Variants in MYCBP2 observed in about 807,000 individuals in gnomAD.
The protein encoded by MYCBP2 is MYC binding protein 2.
In MYCBP2, 120 loss-of-function variants were observed where a neutral mutation model predicts 525.3. The ratio of observed to expected loss-of-function variants is 0.23; its 90% confidence interval spans 0.20 to 0.27. MYCBP2 has a LOEUF of 0.27. Among genes scored for constraint, MYCBP2 ranks in the 10% least tolerant of loss-of-function variants. MYCBP2 has a pLI of 1.00. For missense variants in MYCBP2, 4,149 were observed against 5,657.1 expected (o/e 0.73, Z 8.55); for synonymous variants, 1,894 against 1,955.8 (o/e 0.97, Z 0.83).
chr13:77,167,019 AC>A (rs1341622645), intron 40 of MYCBP2, among the ~76,000 whole-genome samples: 1 of 106,670 alleles, frequency 9.4e-6, no homozygotes, highest in African/African-American at 3.7e-5. Context: ...ACACACACAC[AC>A]ACACACCAAA....
rs143010585 is a variant in MYCBP2, at chr13:77,271,178, A to T, written c.946-640T>A. 1.5e-3 allele frequency among the ~76,000 whole-genome samples: 227 copies of T among 152,286 alleles called. 1 individual carries two copies. The highest frequency in any genetic ancestry group is 4.8e-3 in the African/African-American group (200 of 41,562). Reference sequence around the variant, plus strand: ...CTATATCAAATAATTTCAATATCTAAGGACTTGGCAGGATTGATTCTACCA... The same window carrying T: ...CTATATCAAATAATTTCAATATCTATGGACTTGGCAGGATTGATTCTACCA... On this transcript the variant is annotated intron_variant, in intron 5 of 82. Transcript: ENST00000544440.
rs748831390 is a variant in MYCBP2 at position 77,045,465 on chromosome 13, A to C, written c.13950T>G (p.Thr4650=). 7 of 1,614,004 alleles carry C rather than the reference A, an allele frequency of 4.3e-6. No individual in the cohort carries two copies. In the African/African-American group the frequency reaches 9.3e-5, roughly 22 times the overall value. The change falls in exon 83 of 83, where the codon ACT becomes ACG. Residue 4650 remains threonine (T), a synonymous_variant. Transcript: ENST00000544440. The part of the protein sequence containing the change: ...AGPKGKQLEG[T]ECPLHVVHPP... ...GATGAACAACATGGAGTGGACATTCAGTTCCTTCTAACTGCTTGCCTTTGG... is the reference window on the plus strand; with the variant it reads ...GATGAACAACATGGAGTGGACATTCCGTTCCTTCTAACTGCTTGCCTTTGG...
chr13:77,064,910 A>G lies in MYCBP2; in HGVS notation c.12553-176T>C, dbSNP rs561119022. Among the ~76,000 whole-genome samples the G allele has an allele frequency of 1.1e-4, 17 of 152,332 alleles. No homozygotes were observed. The East Asian group carries it at 3.3e-3, about 29-fold the overall frequency. ...AAAATTTCTTCGTGATCCTATGGAA[A>G]ATTCAACTTCTAATCATCATTTTGA... On this transcript the variant is annotated intron_variant, in intron 72 of 82. Coordinates refer to ENST00000544440, the MANE Select transcript of MYCBP2 (RefSeq NM_015057.5).
chr13:77,225,486 A>T lies in MYCBP2; in HGVS notation c.2806T>A (p.Phe936Ile). The stretch of plus-strand genomic sequence containing the variant: ...TGGACTGCCCGGAGCTCACAGTCAA[A>T]TCGCACAGAGCCTGGAGGGTATGTT... ...ITTYPPGSVRFDCELRAVQVS... is the reference protein window; with the variant it reads ...ITTYPPGSVRIDCELRAVQVS... Residue 936 changes from phenylalanine to isoleucine, a missense_variant, in exon 19 of 83, where the codon TTT becomes ATT. Physicochemically the swap from Phe to Ile is conservative, Grantham distance 21. Around this residue, in one of 21 missense-constraint regions of MYCBP2, gnomAD observed 620 missense variants for 795.5 expected, o/e 0.78. Transcript: ENST00000544440. 6.2e-7 allele frequency: 1 copy of T among 1,613,818 alleles called. No homozygotes were observed.
chr13:77,059,601 T>G lies in MYCBP2; in HGVS notation c.13062A>C (p.Glu4354Asp). The G allele has an allele frequency of 6.2e-7, 1 of 1,614,042 alleles. No homozygotes were observed. Among genetic ancestry groups the G allele is most frequent in the South Asian group, 1.1e-5 (1 of 91,080 alleles). ...HTGKPTTSSS[E>D]ACRFCGSRSG... is the part of the protein sequence containing the mutation. ...TCCTGGAACCACAGAAGCGACATGCTTCTGAGCTACTCGTGGTGGGTTTGC... is the reference window on the plus strand; with the variant it reads ...TCCTGGAACCACAGAAGCGACATGCGTCTGAGCTACTCGTGGTGGGTTTGC... Residue 4354 changes from glutamate (E) to aspartate (D), a missense_variant, in exon 77 of 83, where the codon GAA becomes GAC. Physicochemically the swap from Glu to Asp is conservative, Grantham distance 45 (BLOSUM62 2). This residue lies in a region of MYCBP2 where 220 missense variants were observed against 396.0 expected (regional missense o/e 0.56). Coordinates refer to ENST00000544440, the MANE Select transcript of MYCBP2 (RefSeq NM_015057.5).
Position 77,150,755 on chromosome 13 carries a change from A to G in MYCBP2, c.7110T>C (p.Tyr2370=). 6.2e-7 allele frequency: 1 copy of G among 1,614,016 alleles called. No individual in the cohort carries two copies. Among genetic ancestry groups the G allele is most frequent in the Non-Finnish European group, 8.5e-7 (1 of 1,179,938 alleles). ...TTACCTTCATCATTGTTATGGCAAT[A>G]TATCGAGCTTCCTTCACTATCATTG... The part of the protein sequence containing the change: ...YEPMIVKEAR[Y]IAITMMKVYE... Residue 2370 remains tyrosine, a synonymous_variant, in exon 47 of 83, where the codon TAT becomes TAC. Transcript: ENST00000544440.
At chr13:77,138,831 T>C (rs963920299) in intron 52 of MYCBP2, among the ~76,000 whole-genome samples, 2 of 152,234 alleles carry the variant, frequency 1.3e-5, no homozygotes, top group Non-Finnish European at 2.9e-5. Flanking sequence ...TTTGAATGTA[T>C]AATTCTGAGT....
At chr13:77,136,719 C>T (rs2053814993) in intron 52 of MYCBP2, among the ~76,000 whole-genome samples, 1 of 152,142 alleles carries the variant, frequency 6.6e-6, no homozygotes, top group Non-Finnish European at 1.5e-5. Flanking sequence ...TCTTTTGATT[C>T]TGAACTGATC....
At chr13:77,048,170 T>C (rs2035986143) in intron 82 of MYCBP2, among the ~76,000 whole-genome samples, 1 of 152,038 alleles carries the variant, frequency 6.6e-6, no homozygotes, top group African/African-American at 2.4e-5. Context: ...GTGGAATCCA[T>C]GAATGGGATT....
At chr13:77,192,841 A>G (rs1190129605) in intron 27 of MYCBP2, among the ~76,000 whole-genome samples, 1 of 152,198 alleles carries the variant, frequency 6.6e-6, no homozygotes, top group Non-Finnish European at 1.5e-5. Context: ...GTCAAAAACA[A>G]ATGGCAGCCA....
At chr13:77,297,434 T>C (rs1047455406) in intron 1 of MYCBP2, among the ~76,000 whole-genome samples, 1 of 152,066 alleles carries the variant, frequency 6.6e-6, no homozygotes, top group Non-Finnish European at 1.5e-5. Context: ...AGGATACTAC[T>C]GCTGTAATAA....
At chr13:77,186,854 G>T (rs995588906) in intron 30 of MYCBP2, among the ~76,000 whole-genome samples, 1 of 137,902 alleles carries the variant, frequency 7.3e-6, no homozygotes, top group African/African-American at 2.7e-5. Flanking sequence ...CACCCAGACT[G>T]GAATGCAATG....
At position 77,119,831 on chromosome 13, in the gene MYCBP2, C is replaced by T. The variant is rs2050382058; in HGVS notation, c.8140+1542G>A. On this transcript the variant is annotated intron_variant, in intron 55 of 82. Coordinates refer to ENST00000544440, the MANE Select transcript of MYCBP2 (RefSeq NM_015057.5). The stretch of plus-strand genomic sequence containing the variant: ...CCTTAAACTCCTGGCCTCAAGTGAT[C>T]CTGTTGCCTCAGCTTCCCAGGTAGC... Among the ~76,000 whole-genome samples, 5 of 152,234 alleles carry T rather than the reference C, an allele frequency of 3.3e-5. No homozygotes were observed. The South Asian group carries it at 1.0e-3, about 32-fold the overall frequency.
intron 50 of MYCBP2, among the ~76,000 whole-genome samples, 157 bp downstream of exon 50, chr13:77,140,689 A>C (rs1198737736): frequency 6.6e-6 from 1 of 152,218 alleles, no homozygotes; most frequent in African/African-American, 2.4e-5. Flanking sequence ...ACAACTTAGA[A>C]ATATTACCAT....
intron 26 of MYCBP2, among the ~76,000 whole-genome samples, chr13:77,199,054 G>C (rs2062099398): frequency 6.6e-6 from 1 of 152,178 alleles, no homozygotes; most frequent in South Asian, 2.1e-4. Context: ...TGGCTGAATA[G>C]GAACAGCTCC....
At chr13:77,302,107 G>A (rs2078872014) in intron 1 of MYCBP2, among the ~76,000 whole-genome samples, 2 of 151,908 alleles carry the variant, frequency 1.3e-5, no homozygotes, top group African/African-American at 2.4e-5. Context: ...ATCCCAGAAA[G>A]AGAGAAAAAA....
chr13:77,283,794 G>A (rs906190005), intron 3 of MYCBP2, among the ~76,000 whole-genome samples: 2 of 152,188 alleles, frequency 1.3e-5, no homozygotes, highest in Non-Finnish European at 2.9e-5. Flanking sequence ...CTACATGGGA[G>A]GCTAATGTGG....
intron 55 of MYCBP2, among the ~76,000 whole-genome samples, chr13:77,115,291 T>G (rs1428836645): frequency 6.6e-6 from 1 of 151,886 alleles, no homozygotes; most frequent in African/African-American, 2.4e-5. Flanking sequence ...GATACAGATA[T>G]CATTCTCCAC....
At chr13:77,122,957 AAGATAGCACTGC>A (rs2051014568) in intron 54 of MYCBP2, among the ~76,000 whole-genome samples, 3 of 152,210 alleles carry the variant, frequency 2.0e-5, no homozygotes, top group Non-Finnish European at 4.4e-5. Flanking sequence ...CTGAACGGAA[AAGATAGCACTGC>A]TTCCTCTCTA....
Sources: allele counts gnomAD v4.1 joint callset (sites outside exome capture counted in the v4.1 genomes callset), GRCh38; gene constraint gnomAD v4.1.1; regional missense constraint gnomAD v4.1.1; transcripts MANE v1.5; gene names NCBI Gene and HGNC (gene_info 2026-07-23, HGNC 2026-07-21).